GABRG3: variants seen among roughly 807,000 people sequenced by gnomAD.
The protein encoded by GABRG3 is gamma-aminobutyric acid receptor subunit gamma-3.
A neutral mutation model predicts 48.8 loss-of-function variants in GABRG3; 25 were observed. That is an observed-to-expected ratio of 0.51 (90% CI 0.37 to 0.72). The LOEUF (loss-of-function observed/expected upper bound fraction) is 0.72, where lower values mean the gene tolerates loss of function less well. Ranked by LOEUF, GABRG3 falls within the 30% of genes least tolerant of loss-of-function variation. The pLI, the probability that GABRG3 is intolerant of heterozygous loss-of-function variation, is 0.00. For missense variants in GABRG3, 394 were observed against 577.9 expected, an observed-to-expected ratio of 0.68 and a Z score of 3.26; for synonymous variants, 227 against 217.6, an observed-to-expected ratio of 1.04 and a Z score of -0.38.
intron 3 of GABRG3, among the ~76,000 whole-genome samples, chr15:27,258,249 T>TTTCAG (rs1263063630): frequency 6.6e-6 from 1 of 152,178 alleles, no homozygotes; most frequent in Non-Finnish European, 1.5e-5. Context: ...TATTACCTTA[T>TTTCAG]TTCAGTATCA....
chr15:27,438,431 T>C lies in GABRG3; in HGVS notation c.575-42219T>C, dbSNP rs565993105. Among the ~76,000 whole-genome samples the C allele has an allele frequency of 4.1e-4, 63 of 152,334 alleles. 2 individuals are homozygous for C. The Middle Eastern group carries it at 0.017, about 41-fold the overall frequency. ...AATACCTTGAAGTCCTGTGCTAACT[T>C]TCTAATGGTAATACATAGGCTGGCA... On this transcript the variant is annotated intron_variant, in intron 5 of 9. Coordinates refer to ENST00000615808, the MANE Select transcript of GABRG3 (RefSeq NM_033223.5).
intron 5 of GABRG3, among the ~76,000 whole-genome samples, chr15:27,452,386 C>G (rs376797974): frequency 2.6e-5 from 4 of 152,116 alleles, no homozygotes; most frequent in East Asian, 3.9e-4. Context: ...AGAGTTGACC[C>G]TTAAACAACA....
At chr15:27,120,657 T>C (rs1178187134) in intron 3 of GABRG3, among the ~76,000 whole-genome samples, 1 of 152,124 alleles carries the variant, frequency 6.6e-6, no homozygotes, top group Non-Finnish European at 1.5e-5. Flanking sequence ...ACTGGGCTCC[T>C]AGTAAGCAGG....
intron 3 of GABRG3, among the ~76,000 whole-genome samples, chr15:27,062,465 T>A (rs7495741): frequency 4.5e-5 from 6 of 133,948 alleles, no homozygotes; most frequent in East Asian, 2.1e-4. Context: ...AAAATTAGCC[T>A]TGCATGATGG....
intron 3 of GABRG3, among the ~76,000 whole-genome samples, chr15:27,290,167 C>T (rs986539600): frequency 9.2e-5 from 14 of 151,854 alleles, no homozygotes; most frequent in African/African-American, 3.4e-4. Context: ...TGAAGATTTT[C>T]AGCCATAAAA....
At chr15:26,991,678 G>A (rs1895250822) in intron 2 of GABRG3, among the ~76,000 whole-genome samples, 1 of 151,822 alleles carries the variant, frequency 6.6e-6, no homozygotes, top group African/African-American at 2.4e-5. Flanking sequence ...TTTATGTGTA[G>A]CTATTGTAAA....
At position 27,293,829 on chromosome 15, in the gene GABRG3, T is replaced by C. The variant is rs76896023; in HGVS notation, c.271-32980T>C. Among the ~76,000 whole-genome samples the C allele has an allele frequency of 5.0e-3, 756 of 152,312 alleles. 4 individuals are homozygous for C. Among genetic ancestry groups the C allele is most frequent in the African/African-American group, 0.017 (702 of 41,562 alleles). On this transcript the variant is annotated intron_variant, in intron 3 of 9. Transcript: ENST00000615808. ...ATCTACTACAGGCCAGATACTACTT[T>C]CCATTCTTGGGAAATACACATCAGT... is the stretch of plus-strand genomic sequence containing the variant.
chr15:26,991,359 G>A lies in GABRG3; in HGVS notation c.202+14209G>A, dbSNP rs560137490. On this transcript the variant is annotated intron_variant, in intron 2 of 9. Coordinates refer to ENST00000615808, the MANE Select transcript of GABRG3 (RefSeq NM_033223.5). ...AATTTGAAGTCAGGTAATATGATTC[G>A]TTCAATTTTTTTTTTTCCCCCAGGA... 8.6e-5 allele frequency among the ~76,000 whole-genome samples: 13 copies of A among 151,482 alleles called. No individual in the cohort carries two copies. In the South Asian group the frequency reaches 2.3e-3, roughly 27 times the overall value.
At chr15:27,267,559 C>T (rs559270897) in intron 3 of GABRG3, among the ~76,000 whole-genome samples, 2 of 152,186 alleles carry the variant, frequency 1.3e-5, no homozygotes, top group East Asian at 3.9e-4. Context: ...CCCACATCAG[C>T]CTCCCAAGCA....
intron 5 of GABRG3, among the ~76,000 whole-genome samples, chr15:27,433,142 A>G (rs1452797165): frequency 1.3e-5 from 2 of 152,196 alleles, no homozygotes; most frequent in East Asian, 3.8e-4. Context: ...TTCCAGGCCA[A>G]TCTAGGCTTT....
At chr15:27,078,112 C>G (rs968951841) in intron 3 of GABRG3, among the ~76,000 whole-genome samples, 1 of 152,114 alleles carries the variant, frequency 6.6e-6, no homozygotes, top group Non-Finnish European at 1.5e-5. Flanking sequence ...GATAGTTGGT[C>G]AAATATTATT....
chr15:27,134,467 C>T (rs1436441105), intron 3 of GABRG3, among the ~76,000 whole-genome samples: 1 of 152,184 alleles, frequency 6.6e-6, no homozygotes, highest in African/African-American at 2.4e-5. Flanking sequence ...TGACTCTCCG[C>T]TCTGTTCAAA....
At chr15:27,086,233 C>G (rs1357739831) in intron 3 of GABRG3, among the ~76,000 whole-genome samples, 1 of 151,448 alleles carries the variant, frequency 6.6e-6, no homozygotes, top group Non-Finnish European at 1.5e-5. Flanking sequence ...TCCCTAGGAG[C>G]AGGAGGAGGA....
At chr15:27,328,980 A>C (rs1034073957) in intron 5 of GABRG3, 92 bp downstream of exon 5, 49 of 1,054,362 alleles carry the variant, frequency 4.6e-5, no homozygotes, top group Non-Finnish European at 7.1e-5. Flanking sequence ...GATTGATCAC[A>C]GTGTCCCTGC....
chr15:27,469,540 C>T (rs898074417), intron 5 of GABRG3, among the ~76,000 whole-genome samples: 1 of 152,084 alleles, frequency 6.6e-6, no homozygotes, highest in African/African-American at 2.4e-5. Flanking sequence ...GTGGTTTTAC[C>T]ATGTTGATCA....
At chr15:27,288,139 T>C (rs2140484345) in intron 3 of GABRG3, among the ~76,000 whole-genome samples, 1 of 152,194 alleles carries the variant, frequency 6.6e-6, no homozygotes, top group African/African-American at 2.4e-5. Flanking sequence ...CCCAGACATG[T>C]CTACTTCTCA....
At chr15:27,100,069 T>A (rs1814536395) in intron 3 of GABRG3, among the ~76,000 whole-genome samples, 1 of 151,612 alleles carries the variant, frequency 6.6e-6, no homozygotes, top group African/African-American at 2.4e-5. Flanking sequence ...ACAAAAAAAA[T>A]TAGCTGGGTG....
Position 27,350,892 on chromosome 15 carries a change from T to G in GABRG3, c.574+22004T>G, listed in dbSNP as rs1048300990. Reference sequence around the variant, plus strand: ...CCTTGTGAATGGTGTGTGTGTGTCGTGTGTGTTTGTGTGTGTGTATCATGT... The same window carrying G: ...CCTTGTGAATGGTGTGTGTGTGTCGGGTGTGTTTGTGTGTGTGTATCATGT... On this transcript the variant is annotated intron_variant, in intron 5 of 9. Transcript: ENST00000615808. Among the ~76,000 whole-genome samples the G allele has an allele frequency of 8.1e-3, 789 of 97,870 alleles. 4 individuals carry two copies. Among genetic ancestry groups the G allele is most frequent in the African/African-American group, 0.028 (736 of 26,442 alleles). The allele number at this position is 97,870 out of a possible 152,430, so 64.2% of individuals were successfully genotyped here. A position where few individuals can be genotyped will look rare whatever the true frequency, so the allele number is the denominator to read the frequency against.
chr15:27,487,107 TG>T (rs1476334132), intron 6 of GABRG3, among the ~76,000 whole-genome samples: 1 of 152,184 alleles, frequency 6.6e-6, no homozygotes, highest in East Asian at 1.9e-4. Flanking sequence ...TTCACAAGAT[TG>T]AGTGAAAAAT....
Sources: allele counts gnomAD v4.1 joint callset (sites outside exome capture counted in the v4.1 genomes callset), GRCh38; gene constraint gnomAD v4.1.1; transcripts MANE v1.5; gene names NCBI Gene and HGNC (gene_info 2026-07-23, HGNC 2026-07-21).